Variants in WDFY4 observed in about 807,000 individuals in gnomAD.
WDFY4 encodes the protein WD repeat- and FYVE domain-containing protein 4.
A neutral mutation model predicts 351.9 loss-of-function variants in WDFY4; 169 were observed. That is an observed-to-expected ratio of 0.48 (90% CI 0.42 to 0.55). The LOEUF (loss-of-function observed/expected upper bound fraction) is 0.55, where lower values mean the gene tolerates loss of function less well. WDFY4 is among the 20% of genes least tolerant of loss of function. WDFY4 has a pLI of 0.00. For synonymous variants in WDFY4, 1,622 were observed against 1,574.6 expected, an observed-to-expected ratio of 1.03 and a Z score of -0.71; for missense variants, 3,803 against 3,935.6, an observed-to-expected ratio of 0.97 and a Z score of 0.90.
chr10:48,945,237 A>G (rs927419275), intron 49 of WDFY4, among the ~76,000 whole-genome samples: 1 of 152,116 alleles, frequency 6.6e-6, no homozygotes, highest in African/African-American at 2.4e-5. Context: ...TTAGCGAGGC[A>G]TGGTGGCACG....
intron 6 of WDFY4, 116 bp downstream of exon 6, chr10:48,726,186 C>T (rs2064261259): frequency 1.6e-6 from 2 of 1,232,944 alleles, no homozygotes; most frequent in South Asian, 1.7e-5. Context: ...CTTGCAGCCT[C>T]TTATAGAATT....
chr10:48,820,974 G>A, intron 33 of WDFY4, 88 bp from the exon 34 acceptor site: 1 of 892,808 alleles, frequency 1.1e-6, no homozygotes, highest in Non-Finnish European at 1.8e-6. Flanking sequence ...TGCGGCATAA[G>A]TGTCCCAGCC....
chr10:48,964,073 T>G lies in WDFY4; in HGVS notation c.8436+19T>G. The G allele has an allele frequency of 6.5e-7, 1 of 1,548,872 alleles. No homozygotes were observed. The highest frequency in any genetic ancestry group is 8.7e-7 in the Non-Finnish European group (1 of 1,146,218). On this transcript the variant is annotated intron_variant, in intron 54 of 61. Transcript: ENST00000325239. ...CAAACAGGTACAGCATGCCTTGTCA[T>G]TTGCCTTGCTTTCTCAAAAGAGTGT...
chr10:48,881,206 T>A (rs2070234142), intron 43 of WDFY4, among the ~76,000 whole-genome samples: 1 of 152,224 alleles, frequency 6.6e-6, no homozygotes, highest in African/African-American at 2.4e-5. Flanking sequence ...TAGGATTTGT[T>A]CTCACTCTCC....
intron 47 of WDFY4, among the ~76,000 whole-genome samples, chr10:48,939,843 G>A (rs186941408): frequency 3.3e-5 from 5 of 152,322 alleles, no homozygotes; most frequent in Non-Finnish European, 5.9e-5. Flanking sequence ...AATGAAATGA[G>A]GAGGGGGATG....
chr10:48,867,383 GA>G, intron 40 of WDFY4, 41 bp downstream of exon 40: 1 of 1,305,238 alleles, frequency 7.7e-7, no homozygotes, highest in Non-Finnish European at 1.0e-6. Context: ...CAGCAAGCTG[GA>G]ATCCACCTTG....
At chr10:48,731,049 T>C (rs1249895329) in intron 8 of WDFY4, 61 bp from the exon 9 acceptor site, 1 of 1,442,266 alleles carries the variant, frequency 6.9e-7, no homozygotes, top group Non-Finnish European at 9.2e-7. Context: ...AATGAAAACA[T>C]CTATTTGTAG....
At chr10:48,728,065 C>T (rs774069846) in intron 7 of WDFY4, among the ~76,000 whole-genome samples, 3 of 152,222 alleles carry the variant, frequency 2.0e-5, no homozygotes, top group African/African-American at 7.2e-5. Flanking sequence ...GCACATCCAG[C>T]ACAGCTGCCC....
chr10:48,917,876 A>T (rs1038675417), intron 47 of WDFY4, among the ~76,000 whole-genome samples: 9 of 152,196 alleles, frequency 5.9e-5, no homozygotes, highest in Non-Finnish European at 1.3e-4. Flanking sequence ...TATGTATGTG[A>T]TCGAAAGAAA....
intron 60 of WDFY4, 27 bp from the exon 61 acceptor site, chr10:48,981,340 A>G (rs1057379782): frequency 3.2e-6 from 5 of 1,549,168 alleles, no homozygotes; most frequent in South Asian, 1.2e-5. Context: ...CTGGCGTTCT[A>G]ACTCTTCTCT....
At chr10:48,802,878 C>T in intron 24 of WDFY4, 1 of 480,294 alleles carries the variant, frequency 2.1e-6, no homozygotes, top group South Asian at 1.5e-5. Flanking sequence ...GAGACTGTCA[C>T]TCAGCTGGTC....
At chr10:48,921,698 C>T (rs1365802542) in intron 47 of WDFY4, among the ~76,000 whole-genome samples, 7 of 152,094 alleles carry the variant, frequency 4.6e-5, no homozygotes, top group South Asian at 4.1e-4. Context: ...TATCCAAAAT[C>T]TATAAAGATC....
chr10:48,854,830 A>G (rs1450044735), intron 39 of WDFY4, among the ~76,000 whole-genome samples: 1 of 152,170 alleles, frequency 6.6e-6, no homozygotes, highest in Non-Finnish European at 1.5e-5. Flanking sequence ...AAGATACCCC[A>G]TTTATCTGAA....
chr10:48,747,712 CT>C (rs1325499157), intron 12 of WDFY4, among the ~76,000 whole-genome samples: 1 of 152,116 alleles, frequency 6.6e-6, no homozygotes, highest in Non-Finnish European at 1.5e-5. Context: ...TTCAAATAAA[CT>C]TGATTTGATA....
chr10:48,762,654 G>A (rs1254301409), intron 13 of WDFY4, among the ~76,000 whole-genome samples: 1 of 152,232 alleles, frequency 6.6e-6, no homozygotes, highest in African/African-American at 2.4e-5. Flanking sequence ...TCCTAAGCTG[G>A]CTTAGCTGAG....
At chr10:48,969,357 C>A (rs1842232517) in intron 56 of WDFY4, 109 bp downstream of exon 56, 3 of 1,327,148 alleles carry the variant, frequency 2.3e-6, no homozygotes, top group Non-Finnish European at 1.0e-6. Flanking sequence ...CGCTCACTTT[C>A]CCTACAAGGT....
chr10:48,915,483 A>G (rs191036010), intron 47 of WDFY4, among the ~76,000 whole-genome samples: 222 of 151,922 alleles, frequency 1.5e-3, no homozygotes, highest in South Asian at 8.3e-3. Context: ...ACAAACTTGC[A>G]TTGCCTCTGT....
At chr10:48,696,884 G>A (rs529068389) in intron 1 of WDFY4, among the ~76,000 whole-genome samples, 2 of 152,394 alleles carry the variant, frequency 1.3e-5, no homozygotes, top group East Asian at 3.9e-4. Flanking sequence ...TTGCAAGGAC[G>A]ATATTGTTCC....
In WDFY4 at chr10:48,787,939, CTTCTTCTTCTT is replaced by C. The variant is rs1565199047; in HGVS notation, c.3809-590_3809-580del. On this transcript the variant is annotated intron_variant, in intron 20 of 61. Transcript: ENST00000325239. ...TCTTCTTCTTCTTCTTCTTCTTCTTCTTCTTCTTCTTCTTCTTCTTCTTCTTCTTCTTCTTC... is the reference window on the plus strand; with the variant it reads ...TCTTCTTCTTCTTCTTCTTCTTCTTCCTTCTTCTTCTTCTTCTTCTTCTTC... Among the ~76,000 whole-genome samples, 126 of 102,188 alleles carry C rather than the reference CTTCTTCTTCTT, an allele frequency of 1.2e-3. 1 individual carries two copies. The highest frequency in any genetic ancestry group is 4.7e-3 in the South Asian group (13 of 2,788). The allele number at this position is 102,188 out of a possible 152,430, so 67.0% of individuals were successfully genotyped here. A position where few individuals can be genotyped will look rare whatever the true frequency, so the allele number is the denominator to read the frequency against.
Sources: allele counts gnomAD v4.1 joint callset (sites outside exome capture counted in the v4.1 genomes callset), GRCh38; gene constraint gnomAD v4.1.1; transcripts MANE v1.5; gene names NCBI Gene and HGNC (gene_info 2026-07-23, HGNC 2026-07-21).